The following DHX57 variants were observed in gnomAD, a reference collection of about 807,000 sequenced individuals.
DHX57 encodes the protein DExH-box helicase 57.
A neutral mutation model predicts 156.2 loss-of-function variants in DHX57; 105 were observed. The ratio of observed to expected loss-of-function variants is 0.67; its 90% CI spans 0.57 to 0.79. The LOEUF is 0.79. Among genes scored for constraint, DHX57 ranks in the 30% least tolerant of loss-of-function variants. The pLI is 0.00. For missense variants in DHX57, 1,847 were observed against 1,661.9 expected (o/e 1.11, Z -1.94); for synonymous variants, 704 against 595.6 (o/e 1.18, Z -2.65).
intron 19 of DHX57, among the ~76,000 whole-genome samples, chr2:38,817,351 G>C (rs192747444): frequency 6.6e-6 from 1 of 152,244 alleles, no homozygotes; most frequent in Non-Finnish European, 1.5e-5. Flanking sequence ...GTCTCCCTCT[G>C]TTGCCCAGGC....
chr2:38,862,277 C>G lies in DHX57; in HGVS notation c.440G>C (p.Arg147Pro), dbSNP rs145119195. The change falls in exon 4 of 24, where the codon CGG becomes CCG. Residue 147 changes from arginine to proline, a missense_variant. By Grantham distance (103) the Arg-to-Pro change is moderately radical (BLOSUM62 -2). Transcript: ENST00000457308. ...DDEPDCCNDE[R>P]YWPAGQEPSL... ...AGGTTCCTGTCCAGCTGGCCAGTAC[C>G]GCTCATCGTTACAGCAATCAGGCTC... is the stretch of plus-strand genomic sequence containing the variant. 2.5e-6 allele frequency: 4 copies of G among 1,611,542 alleles called. No homozygotes were observed. Among genetic ancestry groups the G allele is most frequent in the Non-Finnish European group, 2.5e-6 (3 of 1,178,202 alleles).
intron 13 of DHX57, among the ~76,000 whole-genome samples, chr2:38,835,334 C>A (rs1228954980): frequency 6.6e-6 from 1 of 152,158 alleles, no homozygotes; most frequent in Non-Finnish European, 1.5e-5. Flanking sequence ...CAGCACTGCC[C>A]TGTCTATAAA....
Position 38,860,994 on chromosome 2 carries a change from C to T in DHX57, c.1411+5G>A. The T allele has an allele frequency of 6.2e-7, 1 of 1,609,566 alleles. No homozygotes were observed. On this transcript the variant is annotated splice_donor_5th_base_variant and intron_variant, in intron 5 of 23. Coordinates refer to ENST00000457308, the MANE Select transcript of DHX57 (RefSeq NM_198963.3). The stretch of plus-strand genomic sequence containing the variant: ...CTCCCTCCACAAGATCAATGCCTTA[C>T]ATACCTTCTGGAATTTGATTAGAAA...
At chr2:38,823,800 TCAGGAGTTCGAGA>T (rs2148560460) in intron 16 of DHX57, among the ~76,000 whole-genome samples, 1 of 152,212 alleles carries the variant, frequency 6.6e-6, no homozygotes, top group South Asian at 2.1e-4. Context: ...TCATTTGAGG[TCAGGAGTTCGAGA>T]CCAGCCTGGC....
chr2:38,855,504 T>A (rs1672851774), intron 7 of DHX57, among the ~76,000 whole-genome samples: 1 of 152,182 alleles, frequency 6.6e-6, no homozygotes, highest in African/African-American at 2.4e-5. Flanking sequence ...GAACAGACAT[T>A]AAATTAAGGT....
At chr2:38,813,708 T>TGCACACAC in intron 21 of DHX57, 113 bp downstream of exon 21, 1 of 1,249,400 alleles carries the variant, frequency 8.0e-7, no homozygotes, top group Non-Finnish European at 1.1e-6. Context: ...TGTGCGTGTG[T>TGCACACAC]GCACACATGC....
Position 38,837,844 on chromosome 2 carries a change from G to A in DHX57, c.2529C>T (p.His843=). 6 of 1,602,136 alleles carry A rather than the reference G, an allele frequency of 3.7e-6. No individual in the cohort carries two copies. The highest frequency in any genetic ancestry group is 4.3e-6 in the Non-Finnish European group (5 of 1,169,332). The change falls in exon 13 of 24, where the codon CAC becomes CAT. Residue 843 remains histidine, a synonymous_variant. Transcript: ENST00000457308. ...AGAAGCAGTTACCTGGAGGGTAGGA[G>A]TGCTTTCCATCCACAATCCACTCTA... ...ALLEWIVDGK[H]SYPPGAILVF...
At chr2:38,843,700 C>T (rs1672128271) in intron 11 of DHX57, among the ~76,000 whole-genome samples, 1 of 152,142 alleles carries the variant, frequency 6.6e-6, no homozygotes, top group Non-Finnish European at 1.5e-5. Flanking sequence ...TAGTGACAAT[C>T]CTATTAGACA....
chr2:38,850,388 T>C (rs1237830009), intron 9 of DHX57, among the ~76,000 whole-genome samples: 3 of 152,130 alleles, frequency 2.0e-5, no homozygotes, highest in Non-Finnish European at 4.4e-5. Context: ...CAAGTGATCC[T>C]CCTGCCTCAG....
intron 21 of DHX57, chr2:38,811,007 A>G: frequency 1.3e-6 from 1 of 746,006 alleles, no homozygotes; most frequent in South Asian, 1.3e-5. Context: ...CTCAGTCTTG[A>G]AAATGTTGGG....
chr2:38,845,626 G>GGTA (rs937355351), intron 11 of DHX57, among the ~76,000 whole-genome samples: 4 of 152,110 alleles, frequency 2.6e-5, no homozygotes, highest in African/African-American at 9.7e-5. Context: ...ATGAGTCTAA[G>GGTA]GTAGCCAAGG....
At chr2:38,845,027 T>C (rs1672194945) in intron 11 of DHX57, among the ~76,000 whole-genome samples, 1 of 151,954 alleles carries the variant, frequency 6.6e-6, no homozygotes, top group South Asian at 2.1e-4. Flanking sequence ...TGAGACCTTG[T>C]CTCTACTAAA....
Position 38,806,549 on chromosome 2 carries a change from C to G in DHX57, c.3816+10G>C, listed in dbSNP as rs1226158933. The G allele has an allele frequency of 1.2e-6, 2 of 1,613,092 alleles. No individual in the cohort carries two copies. Among genetic ancestry groups the G allele is most frequent in the African/African-American group, 2.7e-5 (2 of 74,890 alleles). The stretch of plus-strand genomic sequence containing the variant: ...ACCTGTAAACATTAAGTATACTCCA[C>G]CATTCTGACCTGATAGTTCACTGAT... On this transcript the variant is annotated intron_variant, in intron 22 of 23. Coordinates refer to ENST00000457308, the MANE Select transcript of DHX57 (RefSeq NM_198963.3).
intron 2 of DHX57, chr2:38,866,991 G>C (rs1310636443): frequency 6.6e-6 from 1 of 152,214 alleles, no homozygotes; most frequent in East Asian, 1.9e-4. Flanking sequence ...GCAAAATCCA[G>C]TCCTGCAACT....
intron 15 of DHX57, 86 bp from the exon 16 acceptor site, chr2:38,826,133 C>T: frequency 7.3e-7 from 1 of 1,372,190 alleles, no homozygotes; most frequent in Non-Finnish European, 1.0e-6. Context: ...GATGAACCAG[C>T]TTCCTCCTGT....
At chr2:38,863,548 C>G in intron 2 of DHX57, 29 bp from the exon 3 acceptor site, 1 of 1,600,508 alleles carries the variant, frequency 6.2e-7, no homozygotes, top group South Asian at 1.1e-5. Context: ...CAAAATTACA[C>G]ACATATCTTC....
chr2:38,834,066 A>G (rs1204259992), intron 13 of DHX57, among the ~76,000 whole-genome samples: 1 of 152,216 alleles, frequency 6.6e-6, no homozygotes, highest in African/African-American at 2.4e-5. Flanking sequence ...ATGGTGGCTC[A>G]TGCCTGTAAT....
intron 21 of DHX57, chr2:38,810,775 G>T: frequency 1.2e-6 from 1 of 805,312 alleles, no homozygotes; most frequent in Non-Finnish European, 2.1e-6. Context: ...CTGTTCCATG[G>T]CAAAGCCCTC....
chr2:38,809,185 T>C (rs1670107200), intron 21 of DHX57, among the ~76,000 whole-genome samples: 1 of 152,158 alleles, frequency 6.6e-6, no homozygotes, highest in Non-Finnish European at 1.5e-5. Flanking sequence ...AGTGGCACAA[T>C]CACGGCTCAC....
Sources: allele counts gnomAD v4.1 joint callset (sites outside exome capture counted in the v4.1 genomes callset), GRCh38; gene constraint gnomAD v4.1.1; transcripts MANE v1.5; gene names NCBI Gene and HGNC (gene_info 2026-07-23, HGNC 2026-07-21).